The following MAPK10 variants were observed in gnomAD, a reference collection of about 807,000 sequenced individuals.
MAPK10 encodes the protein JNK3 alpha protein kinase.
In MAPK10, 25 loss-of-function variants were observed where a neutral mutation model predicts 59.3. The observed-to-expected ratio is 0.42, with a 90% CI of 0.31 to 0.59. The LOEUF is 0.59. MAPK10 is among the 20% of genes least tolerant of loss of function. The pLI, the probability that MAPK10 is intolerant of heterozygous loss-of-function variation, is 0.15. For synonymous variants in MAPK10, 190 were observed against 200.5 expected (o/e 0.95, Z 0.44); for missense variants, 351 against 568.9 (o/e 0.62, Z 3.90).
At chr4:86,364,740 G>A (rs1007296320), upstream of MAPK10, among the ~76,000 whole-genome samples, 4 of 152,132 alleles carry the variant, frequency 2.6e-5, no homozygotes, top group Non-Finnish European at 5.9e-5. Context: ...CAGCACTTTG[G>A]GAGGCTGAGG....
At chr4:86,251,425 GT>G in intron 2 of MAPK10, among the ~76,000 whole-genome samples, 1 of 148,678 alleles carries the variant, frequency 6.7e-6, no homozygotes, top group Non-Finnish European at 1.5e-5. Context: ...AATATGCGGT[GT>G]TTGGTTTTTT....
At chr4:86,294,759 GC>G in intron 2 of MAPK10, among the ~76,000 whole-genome samples, 1 of 152,252 alleles carries the variant, frequency 6.6e-6, no homozygotes, top group African/African-American at 2.4e-5. Context: ...GGCTGAGGTG[GC>G]CAGAATTCAC....
intron 13 of MAPK10, chr4:86,024,301 C>T (rs1272394705): frequency 6.6e-6 from 1 of 152,100 alleles, no homozygotes; most frequent in Non-Finnish European, 1.5e-5. Context: ...TTTATATCTA[C>T]AAATAATATT....
chr4:86,180,498 A>G (rs1181710616), intron 3 of MAPK10, among the ~76,000 whole-genome samples: 1 of 138,544 alleles, frequency 7.2e-6, no homozygotes, highest in Non-Finnish European at 1.5e-5. Flanking sequence ...TCAAAAAAAA[A>G]AAAAAGAAGA....
chr4:86,383,184 G>A (rs1035525997), intron 1 of MAPK10, among the ~76,000 whole-genome samples: 4 of 152,044 alleles, frequency 2.6e-5, no homozygotes, highest in African/African-American at 9.7e-5. Context: ...CCTTCCCTTT[G>A]GTGGCTATAA....
At chr4:86,261,263 A>G (rs2093969575) in intron 2 of MAPK10, among the ~76,000 whole-genome samples, 1 of 152,210 alleles carries the variant, frequency 6.6e-6, no homozygotes, top group Non-Finnish European at 1.5e-5. Flanking sequence ...ACCTCTTTGG[A>G]TGATACTGTT....
chr4:86,444,514 G>T (rs1352515378), intron 1 of MAPK10, among the ~76,000 whole-genome samples: 1 of 152,050 alleles, frequency 6.6e-6, no homozygotes, highest in African/African-American at 2.4e-5. Context: ...CAAGGGCAAA[G>T]ATTTTATGAC....
chr4:86,184,357 G>A (rs1166418078), intron 3 of MAPK10, among the ~76,000 whole-genome samples: 1 of 152,098 alleles, frequency 6.6e-6, no homozygotes. Flanking sequence ...CAGTCATACA[G>A]CTTGCAAGTG....
chr4:86,288,805 G>T (rs1277271131), intron 2 of MAPK10, among the ~76,000 whole-genome samples: 1 of 152,018 alleles, frequency 6.6e-6, no homozygotes, highest in Non-Finnish European at 1.5e-5. Flanking sequence ...TTTTAAATAG[G>T]AGGGTATGGA....
At chr4:86,413,215 C>G (rs1166861949) in intron 1 of MAPK10, among the ~76,000 whole-genome samples, 2 of 152,138 alleles carry the variant, frequency 1.3e-5, no homozygotes. Flanking sequence ...ACGCTGTTTG[C>G]CTGAGTATCA....
intron 2 of MAPK10, among the ~76,000 whole-genome samples, chr4:86,236,257 CAA>C (rs2092217366): frequency 6.6e-6 from 1 of 152,168 alleles, no homozygotes; most frequent in African/African-American, 2.4e-5. Context: ...ATCACTTCTG[CAA>C]AGTCTCTTTT....
intron 1 of MAPK10, among the ~76,000 whole-genome samples, chr4:86,425,917 G>C (rs969044609): frequency 1.3e-5 from 2 of 152,178 alleles, no homozygotes; most frequent in African/African-American, 2.4e-5. Context: ...GTCGCAGTGA[G>C]CCGAGATTGA....
Position 86,306,973 on chromosome 4 carries a change from G to A in MAPK10, c.-7+47557C>T, listed in dbSNP as rs188828587. On this transcript the variant is annotated intron_variant, in intron 2 of 13. Transcript: ENST00000641462. ...AGCTTAGAGTCTATAATTCAAGCAC[G>A]GGTCTAGTGACTTTCTAAATCTGGG... Among the ~76,000 whole-genome samples the A allele has an allele frequency of 2.5e-4, 38 of 152,200 alleles. 1 individual carries two copies. The East Asian group carries it at 6.6e-3, about 26-fold the overall frequency.
chr4:86,177,719 G>T (rs2076002243), intron 3 of MAPK10, among the ~76,000 whole-genome samples: 1 of 151,844 alleles, frequency 6.6e-6, no homozygotes, highest in South Asian at 2.1e-4. Flanking sequence ...GGTTTAAAAA[G>T]GGCTCTTAAA....
chr4:86,561,094 T>C (rs1448689540), intron 1 of MAPK10, among the ~76,000 whole-genome samples: 1 of 152,212 alleles, frequency 6.6e-6, no homozygotes, highest in Admixed American at 6.5e-5. Flanking sequence ...AGGCATTGGA[T>C]TCTCCTAAGG....
intron 2 of MAPK10, among the ~76,000 whole-genome samples, chr4:86,283,768 G>C (rs1041764933): frequency 5.9e-5 from 9 of 152,188 alleles, no homozygotes; most frequent in African/African-American, 2.2e-4. Flanking sequence ...ATGGTTGCTT[G>C]TAGTGCAGGT....
chr4:86,547,595 C>G (rs1027944991), intron 1 of MAPK10, among the ~76,000 whole-genome samples: 1 of 152,206 alleles, frequency 6.6e-6, no homozygotes, highest in Admixed American at 6.5e-5. Flanking sequence ...GCCCCCTGCT[C>G]CACAGCACCC....
At chr4:86,183,642 T>C (rs2149289500) in intron 3 of MAPK10, among the ~76,000 whole-genome samples, 1 of 152,334 alleles carries the variant, frequency 6.6e-6, no homozygotes, top group Non-Finnish European at 1.5e-5. Flanking sequence ...TGTAATCCTT[T>C]GGGTATATAC....
intron 11 of MAPK10, among the ~76,000 whole-genome samples, chr4:86,037,727 T>C (rs1017111576): frequency 6.6e-6 from 1 of 152,202 alleles, no homozygotes; most frequent in East Asian, 1.9e-4. Context: ...CCACCCTTAT[T>C]CAATTTTCAA....
Sources: allele counts gnomAD v4.1 joint callset (sites outside exome capture counted in the v4.1 genomes callset), GRCh38; gene constraint gnomAD v4.1.1; transcripts MANE v1.5; gene names NCBI Gene and HGNC (gene_info 2026-07-23, HGNC 2026-07-21).